Variants in ELP3 observed in about 807,000 individuals in gnomAD.
ELP3 encodes elongator complex protein 3.
Under a neutral mutation model 74.9 loss-of-function variants are expected in ELP3, and 56 were observed. The ratio of observed to expected loss-of-function variants is 0.75; its 90% CI spans 0.60 to 0.93. ELP3 has a LOEUF of 0.93. Ranked by LOEUF, ELP3 falls within the 40% of genes least tolerant of loss-of-function variation. The pLI is 0.00. For synonymous variants in ELP3, 222 were observed against 239.8 expected (o/e 0.93, Z 0.68); for missense variants, 573 against 686.5 (o/e 0.83, Z 1.85).
At chr8:28,125,089 G>A (rs1371753625) in intron 7 of ELP3, among the ~76,000 whole-genome samples, 1 of 152,188 alleles carries the variant, frequency 6.6e-6, no homozygotes, top group Non-Finnish European at 1.5e-5. Context: ...TCAAGATAGG[G>A]TAATAGTTAA....
chr8:28,156,197 G>T (rs1332094687), intron 11 of ELP3, among the ~76,000 whole-genome samples, 165 bp downstream of exon 11: 1 of 152,224 alleles, frequency 6.6e-6, no homozygotes, highest in Non-Finnish European at 1.5e-5. Context: ...GCTGAAGCCA[G>T]TGGTGCAGGG....
intron 1 of ELP3, 47 bp downstream of exon 1, chr8:28,093,280 C>A: frequency 6.2e-7 from 1 of 1,608,536 alleles, no homozygotes; most frequent in South Asian, 1.1e-5. Flanking sequence ...CCGAAAGGGG[C>A]GAACGCCCAG....
chr8:28,153,844 T>C (rs1051453814), intron 10 of ELP3, among the ~76,000 whole-genome samples: 1 of 152,128 alleles, frequency 6.6e-6, no homozygotes, highest in Admixed American at 6.6e-5. Context: ...TTTGGTGCAT[T>C]GGGTAATTAA....
intron 4 of ELP3, among the ~76,000 whole-genome samples, chr8:28,107,224 G>A (rs1197355580): frequency 6.6e-6 from 1 of 152,102 alleles, no homozygotes; most frequent in Non-Finnish European, 1.5e-5. Context: ...CTCCAGCCTG[G>A]GCAACAGAGT....
At chr8:28,179,595 A>G (rs888377218) in intron 14 of ELP3, among the ~76,000 whole-genome samples, 1 of 152,180 alleles carries the variant, frequency 6.6e-6, no homozygotes, top group Admixed American at 6.5e-5. Flanking sequence ...GTAATATATA[A>G]TGAAATAATT....
intron 7 of ELP3, among the ~76,000 whole-genome samples, chr8:28,117,968 A>G (rs1015492807): frequency 2.0e-5 from 3 of 152,198 alleles, no homozygotes; most frequent in African/African-American, 7.2e-5. Flanking sequence ...GCCCTCGGAA[A>G]TGTTTGGATT....
Position 28,093,243 on chromosome 8 carries a change from G to C in ELP3, c.19+10G>C, listed in dbSNP as rs1343340590. The stretch of plus-strand genomic sequence containing the variant: ...AGGCAGAAGCGGAAAGGTGCGAAAG[G>C]GGAAGGAGATGGGGGAAAGGGGTGG... On this transcript the variant is annotated intron_variant, in intron 1 of 14. Coordinates refer to ENST00000256398, the MANE Select transcript of ELP3 (RefSeq NM_018091.6). 1 of 1,613,118 alleles carries C rather than the reference G, an allele frequency of 6.2e-7. No individual in the cohort carries two copies. Among genetic ancestry groups the C allele is most frequent in the African/African-American group, 1.3e-5 (1 of 74,928 alleles).
At position 28,106,931 on chromosome 8, in the gene ELP3, G is replaced by A. The variant is rs1318744218; in HGVS notation, c.329+148G>A. On this transcript the variant is annotated intron_variant, in intron 4 of 14. Coordinates refer to ENST00000256398, the MANE Select transcript of ELP3 (RefSeq NM_018091.6). ...ACTCCTTTCAAACAAGCAACCATTG[G>A]TAGATATTTTAGTGCTTTAAAATTG... 2.7e-5 allele frequency: 17 copies of A among 623,422 alleles called. No individual in the cohort carries two copies. The East Asian group carries it at 5.0e-4, about 18-fold the overall frequency. 38.6% of individuals were successfully genotyped at this position (623,422 alleles called of 1,614,324 possible).
intron 14 of ELP3, among the ~76,000 whole-genome samples, chr8:28,186,870 TAA>T (rs1486245366): frequency 1.3e-5 from 2 of 152,172 alleles, no homozygotes; most frequent in African/African-American, 4.8e-5. Context: ...TAATAGGGAT[TAA>T]GTTTCAACAT....
chr8:28,166,551 C>T (rs538020285), intron 14 of ELP3, among the ~76,000 whole-genome samples: 6 of 152,308 alleles, frequency 3.9e-5, no homozygotes, highest in Non-Finnish European at 5.9e-5. Flanking sequence ...TTAAAAACCA[C>T]GATGTTTATC....
chr8:28,137,694 AC>A lies in ELP3; in HGVS notation c.907-3del. The A allele has an allele frequency of 6.2e-7, 1 of 1,612,398 alleles. No homozygotes were observed. The highest frequency in any genetic ancestry group is 8.5e-7 in the Non-Finnish European group (1 of 1,179,562). The stretch of plus-strand genomic sequence containing the variant: ...AGAAGTCATTTTCTGTTCTCTATTC[AC>A]AGGAGTTTTTTGAGAACCCTGCTTT... On this transcript the variant is annotated splice_region_variant and splice_polypyrimidine_tract_variant and intron_variant, in intron 9 of 14. Transcript: ENST00000256398.
intron 10 of ELP3, among the ~76,000 whole-genome samples, chr8:28,144,376 G>A (rs568485516): frequency 2.0e-5 from 3 of 152,282 alleles, no homozygotes; most frequent in East Asian, 1.9e-4. Flanking sequence ...TCGGGAGGCC[G>A]TGGCAGGTAG....
At chr8:28,112,502 G>A (rs1404594250) in intron 6 of ELP3, 2 of 151,978 alleles carry the variant, frequency 1.3e-5, no homozygotes, top group East Asian at 3.9e-4. Context: ...CCTGTGCCTG[G>A]AATCATCCAT....
chr8:28,117,615 T>C (rs1180318489), intron 7 of ELP3, among the ~76,000 whole-genome samples: 1 of 152,166 alleles, frequency 6.6e-6, no homozygotes, highest in Non-Finnish European at 1.5e-5. Context: ...TGAGAAGTAA[T>C]GAAAGTACAA....
chr8:28,166,881 A>C (rs1814327544), intron 14 of ELP3, among the ~76,000 whole-genome samples: 1 of 152,232 alleles, frequency 6.6e-6, no homozygotes, highest in Non-Finnish European at 1.5e-5. Context: ...TGCCAAGCTA[A>C]TTGCTATGCA....
chr8:28,154,459 TAA>T (rs1283482361), intron 10 of ELP3, among the ~76,000 whole-genome samples: 1 of 152,206 alleles, frequency 6.6e-6, no homozygotes, highest in Non-Finnish European at 1.5e-5. Context: ...TTTTAAATTT[TAA>T]GTTTTATATA....
At chr8:28,182,677 T>G (rs568141945) in intron 14 of ELP3, among the ~76,000 whole-genome samples, 5 of 152,306 alleles carry the variant, frequency 3.3e-5, no homozygotes, top group African/African-American at 1.2e-4. Context: ...TAAAGAGCAT[T>G]GAGCAGCCCA....
At chr8:28,158,268 T>G (rs1813918176) in intron 11 of ELP3, among the ~76,000 whole-genome samples, 1 of 152,180 alleles carries the variant, frequency 6.6e-6, no homozygotes, top group Non-Finnish European at 1.5e-5. Context: ...ATGACTTACA[T>G]TCTTTACTGC....
chr8:28,151,403 G>A (rs1813638187), intron 10 of ELP3, among the ~76,000 whole-genome samples: 1 of 152,096 alleles, frequency 6.6e-6, no homozygotes, highest in East Asian at 1.9e-4. Context: ...TTAACTTCCT[G>A]GTCTGATGAT....
Sources: allele counts gnomAD v4.1 joint callset (sites outside exome capture counted in the v4.1 genomes callset), GRCh38; gene constraint gnomAD v4.1.1; transcripts MANE v1.5; gene names NCBI Gene and HGNC (gene_info 2026-07-23, HGNC 2026-07-21).